Variants in SPTB observed in about 807,000 individuals in gnomAD.
SPTB encodes the protein spectrin beta, erythrocytic, also known as spectrin beta chain, erythrocytic.
SPTB carries 45 observed loss-of-function variants against 256.2 expected under a neutral mutation model. The observed-to-expected ratio is 0.18, with a 90% CI of 0.14 to 0.23. The LOEUF (loss-of-function observed/expected upper bound fraction) is 0.23, where lower values mean the gene tolerates loss of function less well. Among genes scored for constraint, SPTB ranks in the 10% least tolerant of loss-of-function variants. The probability of loss-of-function intolerance (pLI) is 1.00; values close to 1 mark genes in which losing one functional copy is unlikely to be tolerated. For missense variants in SPTB, 2,715 were observed against 3,040.4 expected (o/e 0.89, Z 2.52); for synonymous variants, 1,231 against 1,243.1 (o/e 0.99, Z 0.21).
Position 64,790,194 on chromosome 14 carries a change from C to T in SPTB, c.2804+1525G>A, listed in dbSNP as rs372507853. On this transcript the variant is annotated intron_variant, in intron 15 of 35. Transcript: ENST00000644917. The surrounding 1 kb of genome is among the most constrained non-coding windows in gnomAD (Gnocchi z 4.8). ...GTGACTTCTCAGGTTCCTTTCAACT[C>T]TCAAATTTAATTTCATGCCTCGGGT... Among the ~76,000 whole-genome samples the T allele has an allele frequency of 1.3e-5, 2 of 152,104 alleles. No homozygotes were observed. Among genetic ancestry groups the T allele is most frequent in the East Asian group, 1.9e-4 (1 of 5,190 alleles).
Position 64,749,761 on chromosome 14 carries a change from G to T in SPTB, c.6777-65C>A. On this transcript the variant is annotated intron_variant, in intron 34 of 35. Transcript: ENST00000644917. This position sits in a 1 kb window ranked among gnomAD's most constrained non-coding sequence, Gnocchi z 4.7. ...GGAGGGGGCGCTGGGCAGAGGGCTG[G>T]CTCTGATCCCACAATACCCTGAGCC... 2.5e-6 allele frequency: 4 copies of T among 1,585,310 alleles called. No homozygotes were observed. Among genetic ancestry groups the T allele is most frequent in the Non-Finnish European group, 3.4e-6 (4 of 1,162,156 alleles).
chr14:64,811,352 C>T (rs1376509268), intron 2 of SPTB, among the ~76,000 whole-genome samples: 2 of 152,174 alleles, frequency 1.3e-5, no homozygotes, highest in African/African-American at 4.8e-5. Flanking sequence ...TAAAAGCCCA[C>T]GTGCATGCAC....
chr14:64,768,023 G>T, intron 29 of SPTB, 164 bp from the exon 30 acceptor site: 1 of 732,278 alleles, frequency 1.4e-6, no homozygotes. Flanking sequence ...TCCACACTGG[G>T]CCCCTAACCG....
At position 64,852,482 on chromosome 14, in the gene SPTB, T is replaced by C. The variant is rs230717; in HGVS notation, c.-52+27310A>G. On this transcript the variant is annotated intron_variant, in intron 1 of 35. Coordinates refer to ENST00000644917, the MANE Select transcript of SPTB (RefSeq NM_001355436.2). The surrounding 1 kb of genome is among the most constrained non-coding windows in gnomAD (Gnocchi z 4.2). Reference sequence around the variant, plus strand: ...TCCCTTTGGCAGGCATATGGAGTGATGGATTCAAAGGGGAAGGGACAAGAT... The same window carrying C: ...TCCCTTTGGCAGGCATATGGAGTGACGGATTCAAAGGGGAAGGGACAAGAT... Among the ~76,000 whole-genome samples, 11,206 of 152,062 alleles carry C rather than the reference T, an allele frequency of 0.074. 1,469 individuals carry two copies. The highest frequency in any genetic ancestry group is 0.26 in the African/African-American group (10,563 of 41,412).
rs1472414431 is a variant in SPTB at position 64,847,309 on chromosome 14, C to T, written c.-51-24164G>A. 2.6e-5 allele frequency among the ~76,000 whole-genome samples: 4 copies of T among 152,186 alleles called. No homozygotes were observed. Among genetic ancestry groups the T allele is most frequent in the Admixed American group, 6.5e-5 (1 of 15,278 alleles). ...CCTGGCCATGTGAGAACACGTGCTC[C>T]ATCCACATGAAAAAGAATGGGCGGA... On this transcript the variant is annotated intron_variant, in intron 1 of 35. Coordinates refer to ENST00000644917, the MANE Select transcript of SPTB (RefSeq NM_001355436.2). This position sits in a 1 kb window ranked among gnomAD's most constrained non-coding sequence, Gnocchi z 5.9.
At chr14:64,751,612 G>A (rs578100828) in intron 33 of SPTB, among the ~76,000 whole-genome samples, 11 of 152,020 alleles carry the variant, frequency 7.2e-5, no homozygotes, top group Admixed American at 6.6e-5. Flanking sequence ...GAACTATTAC[G>A]TCTTAAGACC....
chr14:64,878,496 T>C (rs180725180), intron 1 of SPTB, among the ~76,000 whole-genome samples: 205 of 152,292 alleles, frequency 1.3e-3, no homozygotes, highest in Admixed American at 3.9e-3. Flanking sequence ...CCTTGGGTTA[T>C]AGTGGGGGAA....
chr14:64,843,450 C>A (rs1293525524), intron 1 of SPTB, among the ~76,000 whole-genome samples: 1 of 152,088 alleles, frequency 6.6e-6, no homozygotes, highest in African/African-American at 2.4e-5. Context: ...AAAAAAAAAC[C>A]CAAACCAATG....
In SPTB at chr14:64,747,993, G is replaced by A. The variant is rs2081874770; in HGVS notation, c.*1313C>T. On this transcript the variant is annotated 3_prime_UTR_variant, in exon 36 of 36. Coordinates refer to ENST00000644917, the MANE Select transcript of SPTB (RefSeq NM_001355436.2). ...GGGGACGTTGGTTGCAGAGCTTCTG[G>A]TGCTCAGGGCTGGAGGGTGGTAGAT... is the stretch of plus-strand genomic sequence containing the variant. The A allele has an allele frequency of 6.6e-6, 1 of 152,152 alleles. No homozygotes were observed. The highest frequency in any genetic ancestry group is 1.5e-5 in the Non-Finnish European group (1 of 68,074). 9.4% of individuals were successfully genotyped at this position (152,152 alleles called of 1,614,324 possible). A position where few individuals can be genotyped will look rare whatever the true frequency, so the allele number is the denominator to read the frequency against.
intron 1 of SPTB, among the ~76,000 whole-genome samples, chr14:64,837,015 G>A (rs1007641393): frequency 6.6e-6 from 1 of 152,216 alleles, no homozygotes; most frequent in Admixed American, 6.5e-5. Context: ...AAAGGCAACT[G>A]TCTATTGCAG....
intron 9 of SPTB, among the ~76,000 whole-genome samples, chr14:64,798,121 T>C (rs191847314): frequency 2.6e-5 from 4 of 152,302 alleles, no homozygotes; most frequent in Admixed American, 6.5e-5. Context: ...TGCCTCTACA[T>C]GGGAAGCTGA....
At chr14:64,804,300 T>C (rs2082943011) in intron 3 of SPTB, among the ~76,000 whole-genome samples, 1 of 152,200 alleles carries the variant, frequency 6.6e-6, no homozygotes, top group African/African-American at 2.4e-5. Flanking sequence ...AGCATGGAGT[T>C]GAAAAGGCAA....
In SPTB at chr14:64,779,024, A is replaced by G; in HGVS notation, c.4563+133T>C. On this transcript the variant is annotated intron_variant, in intron 22 of 35. Transcript: ENST00000644917. This position sits in a 1 kb window ranked among gnomAD's most constrained non-coding sequence, Gnocchi z 4.2. ...ATAAGATTACCAATACGGTTTGGAG[A>G]CCCCAAAGCTACCAACAAGAACAAT... The G allele has an allele frequency of 1.4e-6, 1 of 710,842 alleles. No homozygotes were observed. Among genetic ancestry groups the G allele is most frequent in the Non-Finnish European group, 2.5e-6 (1 of 401,156 alleles). The allele number at this position is 710,842 out of a possible 1,614,324, so 44.0% of individuals were successfully genotyped here. A position where few individuals can be genotyped will look rare whatever the true frequency, so the allele number is the denominator to read the frequency against.
At position 64,803,729 on chromosome 14, in the gene SPTB, T is replaced by C; in HGVS notation, c.352A>G (p.Lys118Glu). Residue 118 changes from lysine to glutamate, a missense_variant, in exon 4 of 36, where the codon AAG becomes GAG. Around this residue, in one of 4 missense-constraint regions of SPTB, gnomAD observed 416 missense variants for 571.1 expected, o/e 0.73. Coordinates refer to ENST00000644917, the MANE Select transcript of SPTB (RefSeq NM_001355436.2). ...TGCTCCTTGAGGAACTGGAGAGCCT[T>C]GTCCACATTCTCCAGGCAGTGGATG... ...MRIHCLENVDKALQFLKEQRV... is the reference protein window; with the variant it reads ...MRIHCLENVDEALQFLKEQRV... 1 of 1,614,110 alleles carries C rather than the reference T, an allele frequency of 6.2e-7. No homozygotes were observed. The highest frequency in any genetic ancestry group is 8.5e-7 in the Non-Finnish European group (1 of 1,180,006).
In SPTB at chr14:64,749,711, G is replaced by A; in HGVS notation, c.6777-15C>T. 3 of 1,613,436 alleles carry A rather than the reference G, an allele frequency of 1.9e-6. No individual in the cohort carries two copies. Among genetic ancestry groups the A allele is most frequent in the Non-Finnish European group, 2.5e-6 (3 of 1,179,792 alleles). On this transcript the variant is annotated splice_polypyrimidine_tract_variant and intron_variant, in intron 34 of 35. Coordinates refer to ENST00000644917, the MANE Select transcript of SPTB (RefSeq NM_001355436.2). The surrounding 1 kb of genome is among the most constrained non-coding windows in gnomAD (Gnocchi z 4.7). ...CATTACTCAGCCTAGGAGGACAAAG[G>A]GTTTCCTGTCATGGAGACACCTCTG... is the stretch of plus-strand genomic sequence containing the variant.
intron 31 of SPTB, 61 bp downstream of exon 31, chr14:64,767,241 AG>A: frequency 1.2e-6 from 2 of 1,603,474 alleles, no homozygotes; most frequent in Non-Finnish European, 8.5e-7. Context: ...TTCTGATGAA[AG>A]GCACCCCCTA....
rs191592383 is a variant in SPTB at position 64,812,784 on chromosome 14, T to C, written c.149-7694A>G. ...CTGTCCTTAAACCAAACTGTAAAGT[T>C]GAAGTATCTTATCTTTGGAAGCTTC... On this transcript the variant is annotated intron_variant, in intron 2 of 35. Coordinates refer to ENST00000644917, the MANE Select transcript of SPTB (RefSeq NM_001355436.2). Among the ~76,000 whole-genome samples, 347 of 152,312 alleles carry C rather than the reference T, an allele frequency of 2.3e-3. 3 individuals carry two copies. Among genetic ancestry groups the C allele is most frequent in the Non-Finnish European group, 1.9e-3 (126 of 68,022 alleles).
At position 64,749,240 on chromosome 14, in the gene SPTB, A is replaced by C. The variant is rs948286328; in HGVS notation, c.*66T>G. 9 of 1,522,360 alleles carry C rather than the reference A, an allele frequency of 5.9e-6. No homozygotes were observed. The Admixed American group carries it at 1.4e-4, about 23-fold the overall frequency. 94.3% of individuals were successfully genotyped at this position (1,522,360 alleles called of 1,614,324 possible). ...TCGACCGGCGGGCGGCGGCGAGAGG[A>C]GGCCAAGGCCTGGGCTGCCCGGTCT... On this transcript the variant is annotated 3_prime_UTR_variant, in exon 36 of 36. Coordinates refer to ENST00000644917, the MANE Select transcript of SPTB (RefSeq NM_001355436.2). This position sits in a 1 kb window ranked among gnomAD's most constrained non-coding sequence, Gnocchi z 4.7.
At chr14:64,767,223 T>C (rs2082199509) in intron 31 of SPTB, 80 bp downstream of exon 31, 1 of 1,568,548 alleles carries the variant, frequency 6.4e-7, no homozygotes, top group East Asian at 2.2e-5. Context: ...CTGGTCCCAA[T>C]GTCAGGTTTC....
Sources: allele counts gnomAD v4.1 joint callset (sites outside exome capture counted in the v4.1 genomes callset), GRCh38; gene constraint gnomAD v4.1.1; regional missense constraint gnomAD v4.1.1; non-coding constraint Gnocchi (gnomAD v3.1); transcripts MANE v1.5; gene names NCBI Gene and HGNC (gene_info 2026-07-23, HGNC 2026-07-21).